Variants in RBMS3 observed in about 807,000 individuals in gnomAD.
The protein encoded by RBMS3 is RNA binding motif single stranded interacting protein 3.
A neutral mutation model predicts 66.8 loss-of-function variants in RBMS3; 27 were observed. That is an observed-to-expected ratio of 0.40 (90% CI 0.30 to 0.56). RBMS3 has a LOEUF of 0.56. Ranked by LOEUF, RBMS3 falls within the 20% of genes least tolerant of loss-of-function variation. The probability of loss-of-function intolerance (pLI) is 0.40; values close to 1 mark genes in which losing one functional copy is unlikely to be tolerated. For synonymous variants in RBMS3, 188 were observed against 183.0 expected, an observed-to-expected ratio of 1.03 and a Z score of -0.22; for missense variants, 513 against 549.5, an observed-to-expected ratio of 0.93 and a Z score of 0.66.
At chr3:29,991,276 G>C in intron 14 of RBMS3, 67 bp downstream of exon 14, 1 of 1,604,240 alleles carries the variant, frequency 6.2e-7, no homozygotes, top group Non-Finnish European at 8.5e-7. Flanking sequence ...CTCTCATGTT[G>C]TATGTGTTAG....
At chr3:29,681,807 A>G (rs747623019) in intron 4 of RBMS3, among the ~76,000 whole-genome samples, 10 of 152,174 alleles carry the variant, frequency 6.6e-5, no homozygotes, top group African/African-American at 1.7e-4. Context: ...TAGTGCTGCA[A>G]TGAACACATG....
At chr3:29,576,952 G>A (rs1027507247) in intron 3 of RBMS3, among the ~76,000 whole-genome samples, 2 of 152,176 alleles carry the variant, frequency 1.3e-5, no homozygotes, top group Non-Finnish European at 2.9e-5. Flanking sequence ...GTGACCCTAA[G>A]AGCCTGCTTT....
At chr3:29,632,341 A>G (rs2049315843) in intron 4 of RBMS3, among the ~76,000 whole-genome samples, 1 of 151,906 alleles carries the variant, frequency 6.6e-6, no homozygotes, top group Non-Finnish European at 1.5e-5. Flanking sequence ...CAACTTTAAC[A>G]GTCCTAGGGG....
Position 29,936,202 on chromosome 3 carries a change from T to C in RBMS3, c.1050+6T>C, listed in dbSNP as rs2061261595. On this transcript the variant is annotated splice_donor_region_variant and intron_variant, in intron 11 of 14. Transcript: ENST00000383767. ...CGTTGGGCACAACAGGAACGGTGAG[T>C]TGAAGAGATTGTTTTGTTTCCTTGA... 6.2e-7 allele frequency: 1 copy of C among 1,610,018 alleles called. No homozygotes were observed. Among genetic ancestry groups the C allele is most frequent in the Admixed American group, 1.7e-5 (1 of 59,590 alleles).
At chr3:29,381,271 G>C (rs4287886) in intron 1 of RBMS3, among the ~76,000 whole-genome samples, 1 of 151,956 alleles carries the variant, frequency 6.6e-6, no homozygotes. Context: ...TTGTGAGCCT[G>C]TAAGAGAAGC....
chr3:29,514,982 A>G (rs1030525395), intron 3 of RBMS3, among the ~76,000 whole-genome samples: 3 of 152,092 alleles, frequency 2.0e-5, no homozygotes, highest in East Asian at 3.9e-4. Context: ...AGATGAGGGT[A>G]ATGAGCCACT....
chr3:29,737,325 A>C lies in RBMS3; in HGVS notation c.400-2395A>C, dbSNP rs141837744. ...TTATTTAAGCCCCAGAGGTATGTTT[A>C]TTTAGAAAAATTTTAAAATAAGTAA... On this transcript the variant is annotated intron_variant, in intron 4 of 14. Coordinates refer to ENST00000383767, the MANE Select transcript of RBMS3 (RefSeq NM_001003793.3). Among the ~76,000 whole-genome samples the C allele has an allele frequency of 9.8e-4, 149 of 152,308 alleles. 3 individuals are homozygous for C. The East Asian group carries it at 0.026, about 26-fold the overall frequency.
intron 13 of RBMS3, 93 bp downstream of exon 13, chr3:29,988,316 C>A: frequency 2.0e-6 from 2 of 1,022,612 alleles, no homozygotes; most frequent in East Asian, 2.5e-5. Context: ...TCCTCACTTG[C>A]AATTTTTGTG....
At chr3:29,539,998 C>T (rs2045699977) in intron 3 of RBMS3, among the ~76,000 whole-genome samples, 1 of 152,110 alleles carries the variant, frequency 6.6e-6, no homozygotes, top group African/African-American at 2.4e-5. Flanking sequence ...CACCTAGGTG[C>T]CTCTTGGTAA....
intron 2 of RBMS3, among the ~76,000 whole-genome samples, chr3:29,482,321 T>C (rs564895449): frequency 1.6e-4 from 25 of 152,286 alleles, no homozygotes; most frequent in Admixed American, 1.3e-4. Context: ...AAATAAGTGA[T>C]TTTCTTTTGA....
chr3:29,548,251 C>T lies in RBMS3; in HGVS notation c.308-38863C>T, dbSNP rs143234806. Among the ~76,000 whole-genome samples, 71 of 152,074 alleles carry T rather than the reference C, an allele frequency of 4.7e-4. 1 individual carries two copies. Among genetic ancestry groups the T allele is most frequent in the East Asian group, 2.1e-3 (11 of 5,154 alleles). ...GACCAGCATGGACAAAACAGTGAGA[C>T]GCTTGACTCTACAAAATAGCAATAA... On this transcript the variant is annotated intron_variant, in intron 3 of 14. Coordinates refer to ENST00000383767, the MANE Select transcript of RBMS3 (RefSeq NM_001003793.3).
chr3:29,904,986 A>T (rs903609424), intron 10 of RBMS3, among the ~76,000 whole-genome samples: 1 of 152,076 alleles, frequency 6.6e-6, no homozygotes, highest in Admixed American at 6.6e-5. Flanking sequence ...TTAAATTTTA[A>T]TTGTATATTT....
chr3:29,485,115 A>G (rs1168487746), intron 2 of RBMS3, among the ~76,000 whole-genome samples: 1 of 152,226 alleles, frequency 6.6e-6, no homozygotes, highest in Non-Finnish European at 1.5e-5. Flanking sequence ...AAAATAAAAG[A>G]TGCCATTAGT....
chr3:29,509,439 T>C (rs1218861414), intron 3 of RBMS3, among the ~76,000 whole-genome samples: 2 of 152,326 alleles, frequency 1.3e-5, no homozygotes, highest in Admixed American at 6.5e-5. Flanking sequence ...CAAATTGATA[T>C]AATTATTGTC....
chr3:29,340,206 A>G (rs1485440466), intron 1 of RBMS3, among the ~76,000 whole-genome samples: 1 of 152,178 alleles, frequency 6.6e-6, no homozygotes, highest in Non-Finnish European at 1.5e-5. Flanking sequence ...GCTTCTGGTT[A>G]AAACAACAAC....
At chr3:29,999,649 A>G (rs1414578591) in intron 14 of RBMS3, among the ~76,000 whole-genome samples, 1 of 152,164 alleles carries the variant, frequency 6.6e-6, no homozygotes, top group Non-Finnish European at 1.5e-5. Flanking sequence ...CCAGCAAACT[A>G]TCACAAGGAC....
At chr3:29,725,793 G>A (rs1409664612) in intron 4 of RBMS3, among the ~76,000 whole-genome samples, 2 of 152,144 alleles carry the variant, frequency 1.3e-5, no homozygotes, top group African/African-American at 2.4e-5. Context: ...AAGAAGAGCT[G>A]GTGCCATTGT....
intron 12 of RBMS3, among the ~76,000 whole-genome samples, chr3:29,957,393 A>G (rs1696114612): frequency 1.3e-5 from 2 of 152,194 alleles, no homozygotes; most frequent in Admixed American, 1.3e-4. Context: ...CACATTCTAC[A>G]TAATCCTAAC....
intron 4 of RBMS3, among the ~76,000 whole-genome samples, chr3:29,683,352 G>A (rs1487067236): frequency 2.0e-5 from 3 of 152,178 alleles, no homozygotes; most frequent in Admixed American, 6.5e-5. Flanking sequence ...GGAGGATGCC[G>A]AGAATAGAGT....
Sources: allele counts gnomAD v4.1 joint callset (sites outside exome capture counted in the v4.1 genomes callset), GRCh38; gene constraint gnomAD v4.1.1; transcripts MANE v1.5; gene names NCBI Gene and HGNC (gene_info 2026-07-23, HGNC 2026-07-21).